ELOVL5: variants seen among roughly 807,000 people sequenced by gnomAD.
ELOVL5 encodes very long chain fatty acid elongase 5.
ELOVL5 carries 8 observed loss-of-function variants against 38.6 expected under a neutral mutation model. The ratio of observed to expected loss-of-function variants is 0.21; its 90% CI spans 0.12 to 0.37. The LOEUF is 0.37. Ranked by LOEUF, ELOVL5 falls within the 10% of genes least tolerant of loss-of-function variation. ELOVL5 has a pLI of 1.00. For missense variants in ELOVL5, 280 were observed against 367.8 expected (o/e 0.76, Z 1.95); for synonymous variants, 127 against 133.7 (o/e 0.95, Z 0.34).
chr6:53,272,928 A>C (rs1227018706), intron 6 of ELOVL5, among the ~76,000 whole-genome samples: 1 of 152,068 alleles, frequency 6.6e-6, no homozygotes, highest in African/African-American at 2.4e-5. Flanking sequence ...ATATACACAC[A>C]TACATGCATA....
intron 1 of ELOVL5, among the ~76,000 whole-genome samples, chr6:53,302,989 TTTCTC>T (rs1246477419): frequency 1.3e-5 from 2 of 152,180 alleles, no homozygotes; most frequent in African/African-American, 4.8e-5. Flanking sequence ...TTCCTTGCAT[TTTCTC>T]TTCTCTCATT....
intron 1 of ELOVL5, among the ~76,000 whole-genome samples, chr6:53,297,525 C>A (rs1024379858): frequency 6.6e-6 from 1 of 152,196 alleles, no homozygotes; most frequent in African/African-American, 2.4e-5. Flanking sequence ...ACCCTTGAGT[C>A]ACTTTGTAAC....
chr6:53,276,199 C>A lies in ELOVL5; in HGVS notation c.304G>T (p.Ala102Ser), dbSNP rs765124461. Reference protein sequence around the residue: ...YNFFCQGTRTAGESDMKIIRV... With the variant: ...YNFFCQGTRTSGESDMKIIRV... ...AGTACCTTCATATCTGATTCTCCTG[C>A]GGTGCGTGTGCCCTGACAGAAGAAG... The change falls in exon 4 of 8, where the codon GCA becomes TCA. Residue 102 changes from alanine (A) to serine (S), a missense_variant. By Grantham distance (99) the Ala-to-Ser change is moderately conservative. Coordinates refer to ENST00000304434, the MANE Select transcript of ELOVL5 (RefSeq NM_021814.5). 6 of 1,611,818 alleles carry A rather than the reference C, an allele frequency of 3.7e-6. No homozygotes were observed. The East Asian group carries it at 8.9e-5, about 24-fold the overall frequency.
At chr6:53,271,553 C>T (rs928943684) in intron 6 of ELOVL5, among the ~76,000 whole-genome samples, 2 of 151,444 alleles carry the variant, frequency 1.3e-5, no homozygotes, top group Non-Finnish European at 2.9e-5. Context: ...CAGCTCAACC[C>T]CTGCCCCTCC....
chr6:53,323,219 G>T (rs1387367676), intron 1 of ELOVL5, among the ~76,000 whole-genome samples: 1 of 152,086 alleles, frequency 6.6e-6, no homozygotes, highest in Non-Finnish European at 1.5e-5. Context: ...ACACACTACT[G>T]GGTCCCAAGT....
chr6:53,269,328 T>C lies in ELOVL5; in HGVS notation c.757-58A>G, dbSNP rs1765842389. 1.2e-5 allele frequency: 17 copies of C among 1,424,728 alleles called. No homozygotes were observed. The East Asian group carries it at 1.7e-4, about 14-fold the overall frequency. 88.3% of individuals were successfully genotyped at this position (1,424,728 alleles called of 1,614,324 possible). On this transcript the variant is annotated intron_variant, in intron 7 of 7. Coordinates refer to ENST00000304434, the MANE Select transcript of ELOVL5 (RefSeq NM_021814.5). ...GACCACAGTTTTCTTTATAGGGAAC[T>C]TTACTGAGAATTGCATCCCTAACAC...
intron 1 of ELOVL5, among the ~76,000 whole-genome samples, chr6:53,304,364 T>C (rs529925719): frequency 3.9e-4 from 59 of 152,260 alleles, no homozygotes; most frequent in African/African-American, 1.4e-3. Context: ...AAAGACACTT[T>C]GTAAAGTGTG....
chr6:53,273,827 T>A (rs907519679), intron 5 of ELOVL5, among the ~76,000 whole-genome samples: 6 of 152,138 alleles, frequency 3.9e-5, no homozygotes, highest in Non-Finnish European at 8.8e-5. Context: ...AGTGCTGAGG[T>A]CATACATTTT....
chr6:53,295,501 T>C (rs1448592447), intron 2 of ELOVL5, 141 bp downstream of exon 2: 15 of 640,968 alleles, frequency 2.3e-5, no homozygotes, highest in South Asian at 2.3e-4. Context: ...CTTCTCCAAA[T>C]TCCTTGTTAT....
chr6:53,275,043 C>T (rs1282650518), intron 5 of ELOVL5, 47 bp downstream of exon 5: 2 of 1,572,798 alleles, frequency 1.3e-6, no homozygotes, highest in Non-Finnish European at 1.7e-6. Context: ...TTTCAACTCT[C>T]CTCCCTGCTC....
intron 2 of ELOVL5, chr6:53,294,488 A>C: frequency 1.3e-6 from 2 of 1,546,764 alleles, no homozygotes; most frequent in Non-Finnish European, 1.7e-6. Context: ...AGAGCTGCTG[A>C]TACCTGGAAG....
intron 1 of ELOVL5, among the ~76,000 whole-genome samples, chr6:53,302,782 G>A (rs1313996441): frequency 2.0e-5 from 3 of 152,136 alleles, no homozygotes; most frequent in African/African-American, 4.8e-5. Flanking sequence ...TTCTAAGGCA[G>A]CAGTCAGCTT....
chr6:53,346,600 T>G (rs1769557055), intron 1 of ELOVL5, among the ~76,000 whole-genome samples: 1 of 148,112 alleles, frequency 6.8e-6, no homozygotes, highest in Admixed American at 6.7e-5. Context: ...GAGGAGGAAT[T>G]AAAAAAAAAA....
intron 1 of ELOVL5, among the ~76,000 whole-genome samples, chr6:53,307,355 A>T (rs1767622767): frequency 6.6e-6 from 1 of 152,238 alleles, no homozygotes; most frequent in Admixed American, 6.5e-5. Context: ...GTTACTTAAC[A>T]TTCTGTGCCT....
At chr6:53,316,649 C>T (rs1194698025) in intron 1 of ELOVL5, among the ~76,000 whole-genome samples, 1 of 150,166 alleles carries the variant, frequency 6.7e-6, no homozygotes, top group Non-Finnish European at 1.5e-5. Context: ...AAAGGCACAG[C>T]AGGAGAGGGA....
At position 53,331,319 on chromosome 6, in the gene ELOVL5, C is replaced by T. The variant is rs553169665; in HGVS notation, c.-9+17498G>A. On this transcript the variant is annotated intron_variant, in intron 1 of 7. Coordinates refer to ENST00000304434, the MANE Select transcript of ELOVL5 (RefSeq NM_021814.5). ...CCAGCATGAATGACAGAGCGAGACC[C>T]CATTTCCAAAATAAATAAATAAAAA... Among the ~76,000 whole-genome samples, 13 of 152,144 alleles carry T rather than the reference C, an allele frequency of 8.5e-5. No homozygotes were observed. The South Asian group carries it at 2.7e-3, about 32-fold the overall frequency.
chr6:53,270,316 G>A (rs1765874342), intron 7 of ELOVL5, among the ~76,000 whole-genome samples: 1 of 152,222 alleles, frequency 6.6e-6, no homozygotes, highest in Non-Finnish European at 1.5e-5. Context: ...CGTCTCTGCT[G>A]CAGGTCAGAG....
At chr6:53,339,758 T>C (rs542055652) in intron 1 of ELOVL5, among the ~76,000 whole-genome samples, 3 of 152,334 alleles carry the variant, frequency 2.0e-5, no homozygotes, top group African/African-American at 7.2e-5. Context: ...AACTATGTCA[T>C]TGGTTTATGT....
At chr6:53,280,544 A>G (rs1159460396) in intron 3 of ELOVL5, among the ~76,000 whole-genome samples, 1 of 152,226 alleles carries the variant, frequency 6.6e-6, no homozygotes, top group Admixed American at 6.5e-5. Context: ...AATGAAAGAA[A>G]AAAATGTAGG....
Sources: gnomAD v4.1 joint callset for allele counts (sites outside exome capture counted in the v4.1 genomes callset) on GRCh38, gnomAD v4.1.1 for gene constraint, MANE v1.5 for transcripts, NCBI Gene and HGNC (gene_info 2026-07-23, HGNC 2026-07-21) for gene names.